Variants in PI4KA observed in about 807,000 individuals in gnomAD.
The protein encoded by PI4KA is PI4-kinase alpha.
Under a neutral mutation model 271.4 loss-of-function variants are expected in PI4KA, and 122 were observed. That is an observed-to-expected ratio of 0.45 (90% CI 0.39 to 0.52). PI4KA has a LOEUF of 0.52. PI4KA is among the 20% of genes least tolerant of loss of function. PI4KA has a pLI of 0.00. For synonymous variants in PI4KA, 1,041 were observed against 1,078.8 expected (o/e 0.96, Z 0.69); for missense variants, 1,969 against 2,769.1 (o/e 0.71, Z 6.48).
At chr22:20,716,320 G>A (rs1380826570) in intron 45 of PI4KA, among the ~76,000 whole-genome samples, 7 of 152,240 alleles carry the variant, frequency 4.6e-5, no homozygotes, top group Non-Finnish European at 1.0e-4. Flanking sequence ...CCAAAGTGCT[G>A]GGATTACAGG....
intron 32 of PI4KA, among the ~76,000 whole-genome samples, chr22:20,739,037 CAA>C (rs1214493282): frequency 0.061 from 2,754 of 45,402 alleles, 115 homozygotes; most frequent in African/African-American, 0.22. Context: ...GACTCAGTCA[CAA>C]AAAAAAAAAA....
intron 1 of PI4KA, among the ~76,000 whole-genome samples, chr22:20,853,106 C>T (rs1021142368): frequency 7.9e-5 from 12 of 152,152 alleles, no homozygotes; most frequent in African/African-American, 1.7e-4. Context: ...TAGTTAGCTA[C>T]GACACCTCAG....
chr22:20,729,771 T>G, intron 37 of PI4KA, 60 bp from the exon 38 acceptor site: 2 of 1,576,914 alleles, frequency 1.3e-6, no homozygotes, highest in Non-Finnish European at 1.7e-6. Flanking sequence ...GCCCTGAGAT[T>G]CTAAACCTAG....
intron 30 of PI4KA, among the ~76,000 whole-genome samples, chr22:20,743,601 G>A (rs1214417453): frequency 2.0e-5 from 3 of 152,138 alleles, no homozygotes; most frequent in African/African-American, 2.4e-5. Context: ...GATTACTGGC[G>A]TGAGCCACTG....
At chr22:20,771,284 G>A (rs1226863996) in intron 19 of PI4KA, among the ~76,000 whole-genome samples, 4 of 152,066 alleles carry the variant, frequency 2.6e-5, no homozygotes, top group South Asian at 2.1e-4. Context: ...TTAGCCAGAC[G>A]TGGTGGTGGG....
In PI4KA at chr22:20,796,162, T is replaced by C. The variant is rs1363648167; in HGVS notation, c.2261A>G (p.Lys754Arg). 1 of 1,613,430 alleles carries C rather than the reference T, an allele frequency of 6.2e-7. No homozygotes were observed. Among genetic ancestry groups the C allele is most frequent in the Non-Finnish European group, 8.5e-7 (1 of 1,179,542 alleles). The change falls in exon 18 of 55, where the codon AAG becomes AGG. Residue 754 changes from lysine (K) to arginine (R), a missense_variant. This residue lies in a region of PI4KA where 368 missense variants were observed against 544.3 expected (regional missense o/e 0.68). Coordinates refer to ENST00000255882, the MANE Select transcript of PI4KA (RefSeq NM_058004.4). ...GKRASERASE[K>R]GPALKASSSA... ...CCTTCCTACCTTTAGGGCAGGGCCCTTCTCGCTTGCCCTCTCGCTGGCTCG... is the reference window on the plus strand; with the variant it reads ...CCTTCCTACCTTTAGGGCAGGGCCCCTCTCGCTTGCCCTCTCGCTGGCTCG...
chr22:20,733,389 C>T (rs577072015), intron 35 of PI4KA, among the ~76,000 whole-genome samples: 198 of 149,298 alleles, frequency 1.3e-3, no homozygotes, highest in African/African-American at 4.6e-3. Context: ...AACAGCACAG[C>T]CTATGGGTGC....
At chr22:20,757,401 C>G (rs738061) in intron 23 of PI4KA, among the ~76,000 whole-genome samples, 57,481 of 151,616 alleles carry the variant, frequency 0.38, 11,325 homozygotes, top group African/African-American at 0.48. Flanking sequence ...AATCAGTCCC[C>G]CGGAACAATT....
Position 20,779,099 on chromosome 22 carries a change from G to GT in PI4KA, c.2329-13407dup, listed in dbSNP as rs1933534078. 6 of 1,281,846 alleles carry GT rather than the reference G, an allele frequency of 4.7e-6. No homozygotes were observed. The South Asian group carries it at 8.5e-5, about 18-fold the overall frequency. 79.4% of individuals were successfully genotyped at this position (1,281,846 alleles called of 1,614,324 possible). The stretch of plus-strand genomic sequence containing the variant: ...AGGGGCCCACAGATCCTTCATTGAG[G>GT]TTTATGAGTCCCACATCAAAGGTTG... On this transcript the variant is annotated intron_variant, in intron 19 of 54. Transcript: ENST00000255882.
chr22:20,729,763 C>T (rs751048837), intron 37 of PI4KA, 52 bp from the exon 38 acceptor site: 3 of 1,570,984 alleles, frequency 1.9e-6, no homozygotes, highest in African/African-American at 1.3e-5. Flanking sequence ...ACCTGTCTGC[C>T]CTGAGATTCT....
At chr22:20,848,829 A>G (rs1356836309) in intron 1 of PI4KA, among the ~76,000 whole-genome samples, 1 of 152,110 alleles carries the variant, frequency 6.6e-6, no homozygotes, top group Non-Finnish European at 1.5e-5. Context: ...GAAAAAAAAA[A>G]TGACAAAATG....
At chr22:20,717,184 A>G (rs563764256) in intron 45 of PI4KA, among the ~76,000 whole-genome samples, 181 of 152,284 alleles carry the variant, frequency 1.2e-3, no homozygotes, top group African/African-American at 4.2e-3. Context: ...AAAAAACAAC[A>G]ACAAAAAAAG....
At position 20,734,504 on chromosome 22, in the gene PI4KA, A is replaced by C. The variant is rs1412613202; in HGVS notation, c.3791T>G (p.Phe1264Cys). 1 of 1,613,814 alleles carries C rather than the reference A, an allele frequency of 6.2e-7. No homozygotes were observed. Among genetic ancestry groups the C allele is most frequent in the Admixed American group, 1.7e-5 (1 of 60,008 alleles). ...CTTTATCTCAGCAGAAAACAGGCCA[A>C]ATTTCTGCTCCACCGTCATGTGCCA... The part of the protein sequence containing the change: ...GAWHMTVEQK[F>C]GLFSAEIKEA... Residue 1264 changes from phenylalanine (F) to cysteine (C), a missense_variant, in exon 33 of 55, where the codon TTT becomes TGT. This residue lies in a region of PI4KA where 203 missense variants were observed against 256.8 expected (regional missense o/e 0.79). Transcript: ENST00000255882.
intron 1 of PI4KA, among the ~76,000 whole-genome samples, chr22:20,841,286 T>G (rs537623769): frequency 4.5e-4 from 68 of 152,276 alleles, no homozygotes; most frequent in African/African-American, 1.6e-3. Context: ...TTCAGCATCA[T>G]CAACACAGTT....
rs1925580826 is a variant in PI4KA at position 20,713,409 on chromosome 22, G to A, written c.5462-19C>T. 5 of 1,545,612 alleles carry A rather than the reference G, an allele frequency of 3.2e-6. No individual in the cohort carries two copies. The highest frequency in any genetic ancestry group is 4.4e-6 in the Non-Finnish European group (5 of 1,138,932). ...CGCAGACCTGCCCGCAGGGAGAGAG[G>A]CCGCTGTTAGCCTGTAGGCAGTGAG... On this transcript the variant is annotated intron_variant, in intron 47 of 54. Coordinates refer to ENST00000255882, the MANE Select transcript of PI4KA (RefSeq NM_058004.4).
chr22:20,757,926 ATTTT>A (rs759310846), intron 23 of PI4KA, among the ~76,000 whole-genome samples: 1 of 152,068 alleles, frequency 6.6e-6, no homozygotes, highest in Non-Finnish European at 1.5e-5. Flanking sequence ...GGCAGTTTCA[ATTTT>A]GTTGTTGCTT....
At chr22:20,772,391 G>A (rs1932915056) in intron 19 of PI4KA, among the ~76,000 whole-genome samples, 1 of 152,214 alleles carries the variant, frequency 6.6e-6, no homozygotes. Context: ...AATGAGGGAG[G>A]TGGGCCCACG....
chr22:20,839,305 C>T (rs1479247270), intron 1 of PI4KA, among the ~76,000 whole-genome samples: 1 of 152,118 alleles, frequency 6.6e-6, no homozygotes, highest in Non-Finnish European at 1.5e-5. Flanking sequence ...GTTAAAAGAT[C>T]ACAGGACATC....
chr22:20,852,504 T>G (rs1033017125), intron 1 of PI4KA, among the ~76,000 whole-genome samples: 1 of 152,238 alleles, frequency 6.6e-6, no homozygotes, highest in African/African-American at 2.4e-5. Context: ...TACTTTGTTA[T>G]GGCAGCCTAG....
Sources: allele counts gnomAD v4.1 joint callset (sites outside exome capture counted in the v4.1 genomes callset), GRCh38; gene constraint gnomAD v4.1.1; regional missense constraint gnomAD v4.1.1; transcripts MANE v1.5; gene names NCBI Gene and HGNC (gene_info 2026-07-23, HGNC 2026-07-21).